PAX7: variants seen among roughly 807,000 people sequenced by gnomAD.
PAX7 encodes the protein paired box protein Pax-7.
PAX7 carries 18 observed loss-of-function variants against 50.7 expected under a neutral mutation model. That is an observed-to-expected ratio of 0.36 (90% confidence interval 0.25 to 0.53). The LOEUF is 0.53. Among genes scored for constraint, PAX7 ranks in the 20% least tolerant of loss-of-function variants. The probability of loss-of-function intolerance (pLI) is 0.93; values close to 1 mark genes in which losing one functional copy is unlikely to be tolerated. For missense variants in PAX7, 644 were observed against 702.9 expected (o/e 0.92, Z 0.95); for synonymous variants, 310 against 290.4 (o/e 1.07, Z -0.69).
intron 7 of PAX7, among the ~76,000 whole-genome samples, chr1:18,718,891 C>T (rs935098336): frequency 6.6e-6 from 1 of 152,156 alleles, no homozygotes; most frequent in Middle Eastern, 3.2e-3. Flanking sequence ...CCTCCCGCCT[C>T]AGCCTCCCAA....
chr1:18,682,168 C>A (rs555514493), intron 4 of PAX7, among the ~76,000 whole-genome samples: 1 of 152,340 alleles, frequency 6.6e-6, no homozygotes, highest in East Asian at 1.9e-4. Context: ...CTCCCTCCCT[C>A]CTCTCCTTGA....
At chr1:18,685,805 G>C (rs1191817657) in intron 4 of PAX7, among the ~76,000 whole-genome samples, 3 of 152,210 alleles carry the variant, frequency 2.0e-5, no homozygotes, top group Non-Finnish European at 4.4e-5. Context: ...GTCAGTGATG[G>C]CTTCCAGAGG....
At chr1:18,696,395 A>C (rs1248756700) in intron 5 of PAX7, among the ~76,000 whole-genome samples, 2 of 152,320 alleles carry the variant, frequency 1.3e-5, no homozygotes, top group Non-Finnish European at 1.5e-5. Flanking sequence ...TGTGCCAGGC[A>C]TGATGGCTCA....
At chr1:18,743,719 A>G (rs917937371) in intron 8 of PAX7, among the ~76,000 whole-genome samples, 1 of 152,216 alleles carries the variant, frequency 6.6e-6, no homozygotes, top group African/African-American at 2.4e-5. Context: ...GAATTAGTAC[A>G]GTCAAGACAG....
At chr1:18,638,656 C>T (rs1383324413) in intron 4 of PAX7, among the ~76,000 whole-genome samples, 3 of 152,130 alleles carry the variant, frequency 2.0e-5, no homozygotes, top group African/African-American at 7.2e-5. Flanking sequence ...ATGCTGTAGG[C>T]CATATATCTG....
chr1:18,707,481 G>A (rs1056344153), intron 7 of PAX7, among the ~76,000 whole-genome samples: 6 of 140,466 alleles, frequency 4.3e-5, no homozygotes, highest in South Asian at 2.3e-4. Context: ...GTGCAGTGGC[G>A]CGATCTCAGC....
At chr1:18,679,063 C>T (rs1454048844) in intron 4 of PAX7, among the ~76,000 whole-genome samples, 2 of 152,166 alleles carry the variant, frequency 1.3e-5, no homozygotes, top group Non-Finnish European at 2.9e-5. Flanking sequence ...AGGAAAGGTG[C>T]TTCGTAAGGT....
At position 18,676,169 on chromosome 1, in the gene PAX7, C is replaced by T. The variant is rs571576254; in HGVS notation, c.587-15585C>T. Among the ~76,000 whole-genome samples, 8 of 152,328 alleles carry T rather than the reference C, an allele frequency of 5.3e-5. No individual in the cohort carries two copies. The South Asian group carries it at 1.7e-3, about 32-fold the overall frequency. On this transcript the variant is annotated intron_variant, in intron 4 of 8. Coordinates refer to ENST00000420770, the MANE Select transcript of PAX7 (RefSeq NM_001135254.2). ...ATAAAATTTCTCGTTTTCTGCCTTT[C>T]ACCAGCCTCCCCCTGCCATCTTCGC...
At chr1:18,692,765 A>T (rs2089091502) in intron 5 of PAX7, among the ~76,000 whole-genome samples, 1 of 152,220 alleles carries the variant, frequency 6.6e-6, no homozygotes, top group South Asian at 2.1e-4. Context: ...TAGATGCCTC[A>T]GGGCAGGGTG....
At chr1:18,635,511 T>TAGGAAGGAGGGAAGGAAGGAAGGAAGGA (rs2088137956) in intron 3 of PAX7, among the ~76,000 whole-genome samples, 1 of 134,428 alleles carries the variant, frequency 7.4e-6, no homozygotes. Context: ...GGAAGGAAGG[T>TAGGAAGGAGGGAAGGAAGGAAGGAAGGA]AGGAAGGAAG....
chr1:18,674,725 G>C (rs2088800819), intron 4 of PAX7, among the ~76,000 whole-genome samples: 1 of 152,228 alleles, frequency 6.6e-6, no homozygotes, highest in Non-Finnish European at 1.5e-5. Flanking sequence ...TGGGTGAGAG[G>C]GGTTGTGTGT....
chr1:18,712,856 C>T (rs1283568331), intron 7 of PAX7, among the ~76,000 whole-genome samples: 1 of 151,914 alleles, frequency 6.6e-6, no homozygotes, highest in African/African-American at 2.4e-5. Flanking sequence ...CTGAGGCGGG[C>T]GGATCGCTTG....
chr1:18,688,440 A>G (rs1411472362), intron 4 of PAX7, among the ~76,000 whole-genome samples: 2 of 152,374 alleles, frequency 1.3e-5, no homozygotes, highest in African/African-American at 4.8e-5. Flanking sequence ...ACAATTAAAT[A>G]CAATGAAAGA....
chr1:18,651,278 GA>G (rs1182233523), intron 4 of PAX7, among the ~76,000 whole-genome samples: 17 of 152,166 alleles, frequency 1.1e-4, no homozygotes, highest in Non-Finnish European at 2.1e-4. Context: ...TATATGCTGA[GA>G]ATTTCCCAAG....
intron 4 of PAX7, among the ~76,000 whole-genome samples, chr1:18,641,013 G>T (rs1055450300): frequency 6.6e-6 from 1 of 152,262 alleles, no homozygotes; most frequent in Non-Finnish European, 1.5e-5. Context: ...AGAGGGGGAG[G>T]CGGGAGCAGA....
chr1:18,635,082 C>T, intron 2 of PAX7, 29 bp from the exon 3 acceptor site: 2 of 1,611,922 alleles, frequency 1.2e-6, no homozygotes, highest in South Asian at 1.1e-5. Context: ...CATCTTTCCA[C>T]TCCTACTCTC....
chr1:18,738,847 G>A (rs1930955917), intron 8 of PAX7, among the ~76,000 whole-genome samples: 1 of 152,202 alleles, frequency 6.6e-6, no homozygotes, highest in Non-Finnish European at 1.5e-5. Context: ...TCTGTGAAAT[G>A]GAGGCCACGA....
At chr1:18,663,793 G>C (rs2088631761) in intron 4 of PAX7, among the ~76,000 whole-genome samples, 2 of 152,252 alleles carry the variant, frequency 1.3e-5, no homozygotes, top group Non-Finnish European at 2.9e-5. Flanking sequence ...CAGACAAGAA[G>C]TATAACAGCC....
At chr1:18,660,615 C>A (rs1457029961) in intron 4 of PAX7, among the ~76,000 whole-genome samples, 1 of 152,192 alleles carries the variant, frequency 6.6e-6, no homozygotes, top group Non-Finnish European at 1.5e-5. Flanking sequence ...GACCCCTGAC[C>A]CCTGCAACCT....
Sources: allele counts gnomAD v4.1 joint callset (sites outside exome capture counted in the v4.1 genomes callset), GRCh38; gene constraint gnomAD v4.1.1; transcripts MANE v1.5; gene names NCBI Gene and HGNC (gene_info 2026-07-23, HGNC 2026-07-21).